Variants in SGCG observed in about 807,000 individuals in gnomAD.
SGCG encodes sarcoglycan gamma.
SGCG carries 26 observed loss-of-function variants against 29.3 expected under a neutral mutation model. That is an observed-to-expected ratio of 0.89 (90% CI 0.65 to 1.23). The LOEUF is 1.23. Among genes scored for constraint, SGCG ranks in the 50% most tolerant of loss-of-function variants. SGCG has a pLI of 0.00. For synonymous variants in SGCG, 145 were observed against 129.7 expected (o/e 1.12, Z -0.80); for missense variants, 353 against 356.0 (o/e 0.99, Z 0.07).
intron 5 of SGCG, among the ~76,000 whole-genome samples, chr13:23,292,499 A>G (rs536600220): frequency 3.3e-5 from 5 of 152,226 alleles, no homozygotes; most frequent in Non-Finnish European, 7.3e-5. Context: ...CCCAAAAACC[A>G]TTTAATTTAG....
chr13:23,317,134 G>A (rs527810791), intron 6 of SGCG, among the ~76,000 whole-genome samples: 1 of 152,126 alleles, frequency 6.6e-6, no homozygotes, highest in South Asian at 2.1e-4. Flanking sequence ...GGCAGAGCTT[G>A]TAGTGAGCCG....
chr13:23,317,064 A>G (rs1262270121), intron 6 of SGCG, among the ~76,000 whole-genome samples: 2 of 152,096 alleles, frequency 1.3e-5, no homozygotes, highest in African/African-American at 2.4e-5. Flanking sequence ...GCATGGTGGT[A>G]GGCACCTATA....
chr13:23,178,369 C>T (rs1876625716), upstream of SGCG, among the ~76,000 whole-genome samples: 1 of 152,142 alleles, frequency 6.6e-6, no homozygotes, highest in Admixed American at 6.5e-5. Flanking sequence ...TCTTCTGTGA[C>T]ATTCTGGGGG....
At chr13:23,227,386 A>C (rs1878942898) in intron 2 of SGCG, among the ~76,000 whole-genome samples, 1 of 151,774 alleles carries the variant, frequency 6.6e-6, no homozygotes, top group African/African-American at 2.4e-5. Context: ...TAACTCTCCT[A>C]TATTGCTTAT....
chr13:23,289,744 A>T (rs556128586), intron 5 of SGCG, among the ~76,000 whole-genome samples: 5 of 152,286 alleles, frequency 3.3e-5, no homozygotes, highest in Non-Finnish European at 5.9e-5. Flanking sequence ...GCCTGGTATA[A>T]AGGGAGATAG....
Position 23,324,143 on chromosome 13 carries a change from G to A in SGCG, c.703-225G>A, listed in dbSNP as rs563284165. 3.2e-4 allele frequency among the ~76,000 whole-genome samples: 48 copies of A among 152,298 alleles called. 1 individual carries two copies. The South Asian group carries it at 7.9e-3, about 25-fold the overall frequency. ...TCAAACAATGACAAACCGGAAAAGC[G>A]CCTCCCTCCAATGTGGAAGGAATTG... On this transcript the variant is annotated intron_variant, in intron 7 of 7. Transcript: ENST00000218867.
At chr13:23,169,632 T>C in the SGCG span, among the ~76,000 whole-genome samples, 1 of 151,072 alleles carries the variant, frequency 6.6e-6, no homozygotes, top group Non-Finnish European at 1.5e-5. Context: ...TGAGCCGAGA[T>C]CTTGCCACTG....
intron 6 of SGCG, among the ~76,000 whole-genome samples, chr13:23,296,150 C>G (rs1368473814): frequency 6.6e-6 from 1 of 152,214 alleles, no homozygotes; most frequent in African/African-American, 2.4e-5. Context: ...ATTCTTAACA[C>G]AAAGCATGTG....
At chr13:23,281,312 C>G (rs1230214622) in intron 5 of SGCG, among the ~76,000 whole-genome samples, 1 of 151,540 alleles carries the variant, frequency 6.6e-6, no homozygotes, top group African/African-American at 2.4e-5. Context: ...TGCACTCCAG[C>G]CTGGGCAACA....
At chr13:23,246,814 T>G (rs537768913) in intron 3 of SGCG, 1 of 186,768 alleles carries the variant, frequency 5.4e-6, no homozygotes, top group African/African-American at 2.3e-5. Flanking sequence ...GAAGACCTAC[T>G]GGGCATCTTG....
chr13:23,232,646 G>C (rs898011473), intron 2 of SGCG, among the ~76,000 whole-genome samples: 1 of 152,100 alleles, frequency 6.6e-6, no homozygotes, highest in African/African-American at 2.4e-5. Flanking sequence ...GCCAGGCGTG[G>C]TGGCAGGCAC....
chr13:23,278,018 G>A (rs991864563), intron 4 of SGCG, among the ~76,000 whole-genome samples: 2 of 151,832 alleles, frequency 1.3e-5, no homozygotes, highest in Non-Finnish European at 2.9e-5. Flanking sequence ...ATTTTTAGTA[G>A]AGATGGGGTT....
intron 6 of SGCG, among the ~76,000 whole-genome samples, chr13:23,299,804 G>T (rs1239958433): frequency 6.6e-6 from 1 of 152,014 alleles, no homozygotes; most frequent in African/African-American, 2.4e-5. Context: ...TATGAACGCT[G>T]ACAAACTACC....
At chr13:23,314,409 A>ATATATATATATATAT (rs1593108262) in intron 6 of SGCG, among the ~76,000 whole-genome samples, 1 of 31,992 alleles carries the variant, frequency 3.1e-5, no homozygotes, top group East Asian at 2.1e-3. Flanking sequence ...TATATATATA[A>ATATATATATATATAT]TCTTATTCTG....
At chr13:23,196,616 G>C (rs1877521958) in intron 1 of SGCG, among the ~76,000 whole-genome samples, 2 of 141,206 alleles carry the variant, frequency 1.4e-5, no homozygotes, top group African/African-American at 5.2e-5. Context: ...AGTTTTATTG[G>C]ATTTTTTTCT....
intron 4 of SGCG, among the ~76,000 whole-genome samples, chr13:23,272,167 A>G (rs1746332478): frequency 1.3e-5 from 2 of 152,204 alleles, no homozygotes; most frequent in African/African-American, 2.4e-5. Flanking sequence ...AGTTTCATTG[A>G]CTAAAACCTC....
chr13:23,271,469 T>C (rs952094119), intron 4 of SGCG, among the ~76,000 whole-genome samples: 41 of 152,210 alleles, frequency 2.7e-4, no homozygotes, highest in Admixed American at 1.6e-3. Flanking sequence ...CAAATTTATG[T>C]TGAGCTGAAT....
intron 4 of SGCG, among the ~76,000 whole-genome samples, chr13:23,258,582 A>G (rs1012115258): frequency 1.3e-5 from 2 of 152,262 alleles, no homozygotes; most frequent in Admixed American, 6.5e-5. Context: ...TTCCAACACT[A>G]TGTTGAATAG....
At chr13:23,233,784 G>A (rs73435022) in intron 2 of SGCG, among the ~76,000 whole-genome samples, 1,736 of 152,288 alleles carry the variant, frequency 0.011, 29 homozygotes, top group African/African-American at 0.039. Flanking sequence ...ACGCAGGAAA[G>A]GGCCTAAGAC....
Sources: allele counts gnomAD v4.1 joint callset (sites outside exome capture counted in the v4.1 genomes callset), GRCh38; gene constraint gnomAD v4.1.1; transcripts MANE v1.5; gene names NCBI Gene and HGNC (gene_info 2026-07-23, HGNC 2026-07-21).